Variants in SLC24A2 observed in about 807,000 individuals in gnomAD.
SLC24A2 encodes the protein solute carrier family 24 member 2, also known as sodium/potassium/calcium exchanger 2.
Under a neutral mutation model 62.0 loss-of-function variants are expected in SLC24A2, and 36 were observed. The ratio of observed to expected loss-of-function variants is 0.58; its 90% CI spans 0.44 to 0.77. The LOEUF is 0.77. SLC24A2 is among the 30% of genes least tolerant of loss of function. SLC24A2 has a pLI of 0.00. For missense variants in SLC24A2, 846 were observed against 817.9 expected (o/e 1.03, Z -0.42); for synonymous variants, 358 against 294.0 (o/e 1.22, Z -2.23).
intron 2 of SLC24A2, among the ~76,000 whole-genome samples, chr9:19,708,855 G>T (rs200469191): frequency 2.8e-4 from 42 of 152,104 alleles, no homozygotes; most frequent in African/African-American, 7.7e-4. Flanking sequence ...GGCAAGGACT[G>T]CATGTCTAAA....
chr9:20,235,803 C>G, the SLC24A2 span, among the ~76,000 whole-genome samples: 1 of 152,224 alleles, frequency 6.6e-6, no homozygotes, highest in East Asian at 1.9e-4. Flanking sequence ...ATGCAGAAAT[C>G]ACCCATCTTC....
intron 2 of SLC24A2, among the ~76,000 whole-genome samples, chr9:19,702,981 G>A (rs188556448): frequency 6.6e-6 from 1 of 152,018 alleles, no homozygotes; most frequent in African/African-American, 2.4e-5. Context: ...GTAAATAAAT[G>A]CAATGCAATG....
intron 6 of SLC24A2, among the ~76,000 whole-genome samples, chr9:19,574,031 C>A (rs755793011): frequency 1.3e-5 from 2 of 152,180 alleles, no homozygotes; most frequent in Non-Finnish European, 2.9e-5. Flanking sequence ...GGGTTGCTAT[C>A]TTAGGCTAGT....
the SLC24A2 span, among the ~76,000 whole-genome samples, chr9:20,203,915 G>C: frequency 6.6e-6 from 1 of 152,122 alleles, no homozygotes; most frequent in East Asian, 1.9e-4. Context: ...TATTCAACAC[G>C]TATTTAGTGT....
rs375176445 is a variant in SLC24A2 at position 19,550,207 on chromosome 9, T to G, written c.1409A>C (p.Gln470Pro). The G allele has an allele frequency of 1.1e-5, 18 of 1,614,036 alleles. No homozygotes were observed. The highest frequency in any genetic ancestry group is 1.5e-5 in the Non-Finnish European group (18 of 1,180,004). The change falls in exon 8 of 11, where the codon CAA becomes CCA. Residue 470 changes from glutamine (Q) to proline (P), a missense_variant. Transcript: ENST00000341998. Reference protein sequence around the residue: ...SLAWPSETRKQVTFLIVFPIV... With the variant: ...SLAWPSETRKPVTFLIVFPIV... ...GGGGAAAACAATCAGAAACGTGACT[T>G]GCTTGCGGGTTTCAGAAGGCCAGGC...
chr9:19,636,310 T>TTTTCCTTTC (rs1818323994), intron 2 of SLC24A2, among the ~76,000 whole-genome samples: 1 of 34,182 alleles, frequency 2.9e-5, no homozygotes, highest in Non-Finnish European at 5.5e-5. Flanking sequence ...TTTTCTTTTC[T>TTTTCCTTTC]TTTCTTTTCT....
At chr9:19,970,300 G>GGGGGAGTACATATTTCCCTTTGTCTA in the SLC24A2 span, among the ~76,000 whole-genome samples, 1 of 152,180 alleles carries the variant, frequency 6.6e-6, no homozygotes, top group Non-Finnish European at 1.5e-5. Context: ...ACTGATAGCA[G>GGGGGAGTACATATTTCCCTTTGTCTA]GGGGAGTACA....
intron 3 of SLC24A2, 110 bp from the exon 4 acceptor site, chr9:19,619,802 A>G: frequency 1.2e-6 from 1 of 826,714 alleles, no homozygotes; most frequent in Non-Finnish European, 2.1e-6. Context: ...GCATGATCAC[A>G]CAGTATTGAG....
intron 2 of SLC24A2, among the ~76,000 whole-genome samples, chr9:19,711,897 T>C (rs1226603971): frequency 6.6e-6 from 1 of 152,168 alleles, no homozygotes; most frequent in Non-Finnish European, 1.5e-5. Context: ...AAACGCAAGT[T>C]GCCAACCCAA....
chr9:20,018,407 G>A, the SLC24A2 span, among the ~76,000 whole-genome samples: 115 of 152,182 alleles, frequency 7.6e-4, 1 homozygote, highest in Non-Finnish European at 1.3e-3. Context: ...GAATTGCCAC[G>A]AGGATAATCT....
At chr9:19,667,996 T>G (rs1351242421) in intron 2 of SLC24A2, among the ~76,000 whole-genome samples, 5 of 152,152 alleles carry the variant, frequency 3.3e-5, no homozygotes, top group African/African-American at 1.2e-4. Context: ...TCCTGTACAT[T>G]TCTTACTGTA....
chr9:19,703,842 T>G (rs1254505619), intron 2 of SLC24A2, among the ~76,000 whole-genome samples: 1 of 152,222 alleles, frequency 6.6e-6, no homozygotes, highest in African/African-American at 2.4e-5. Flanking sequence ...CACATAAGAA[T>G]GAATCACTAT....
chr9:19,787,771 G>C (rs1355072372), intron 1 of SLC24A2, among the ~76,000 whole-genome samples: 1 of 152,100 alleles, frequency 6.6e-6, no homozygotes, highest in African/African-American at 2.4e-5. Flanking sequence ...AAAATAGGCA[G>C]CTTAGTAAGT....
At chr9:20,095,738 T>C in the SLC24A2 span, among the ~76,000 whole-genome samples, 2 of 151,596 alleles carry the variant, frequency 1.3e-5, no homozygotes, top group Non-Finnish European at 2.9e-5. Flanking sequence ...TTAATAAAGA[T>C]ACCCAAGACT....
intron 8 of SLC24A2, among the ~76,000 whole-genome samples, chr9:19,529,704 G>A (rs1044604110): frequency 6.7e-6 from 1 of 150,030 alleles, no homozygotes; most frequent in African/African-American, 2.4e-5. Flanking sequence ...GGGTAATGGG[G>A]GAAATAAAAA....
At chr9:19,559,860 T>G (rs1038691976) in intron 7 of SLC24A2, among the ~76,000 whole-genome samples, 1 of 152,198 alleles carries the variant, frequency 6.6e-6, no homozygotes, top group African/African-American at 2.4e-5. Flanking sequence ...CTTCCTTATG[T>G]CAATGGACTA....
At chr9:19,596,318 G>A (rs981558700) in intron 5 of SLC24A2, among the ~76,000 whole-genome samples, 1 of 152,128 alleles carries the variant, frequency 6.6e-6, no homozygotes, top group Non-Finnish European at 1.5e-5. Context: ...CTCTGTGAGG[G>A]TACCTTTCCA....
the SLC24A2 span, among the ~76,000 whole-genome samples, chr9:19,917,111 T>C: frequency 6.6e-6 from 1 of 151,054 alleles, no homozygotes; most frequent in Admixed American, 6.6e-5. Flanking sequence ...TTTTGTATTT[T>C]CTTTAACTGC....
the SLC24A2 span, among the ~76,000 whole-genome samples, chr9:20,149,611 G>C: frequency 6.6e-6 from 1 of 151,898 alleles, no homozygotes; most frequent in Non-Finnish European, 1.5e-5. Flanking sequence ...AAGTTAAAAT[G>C]GCTGTGTTCT....
Sources: allele counts gnomAD v4.1 joint callset (sites outside exome capture counted in the v4.1 genomes callset), GRCh38; gene constraint gnomAD v4.1.1; transcripts MANE v1.5; gene names NCBI Gene and HGNC (gene_info 2026-07-23, HGNC 2026-07-21).